The following MYBBP1A variants were observed in gnomAD, a reference collection of about 807,000 sequenced individuals.
MYBBP1A encodes the protein myb-binding protein 1A.
In MYBBP1A, 147 loss-of-function variants were observed where a neutral mutation model predicts 136.3. The ratio of observed to expected loss-of-function variants is 1.08; its 90% CI spans 0.94 to 1.24. The LOEUF is 1.24. MYBBP1A is among the 50% of genes most tolerant of loss of function. The pLI, the probability that MYBBP1A is intolerant of heterozygous loss-of-function variation, is 0.00. For missense variants in MYBBP1A, 2,060 were observed against 1,727.4 expected, an observed-to-expected ratio of 1.19 and a Z score of -3.41; for synonymous variants, 947 against 735.8, an observed-to-expected ratio of 1.29 and a Z score of -4.65.
chr17:4,542,932 T>A lies in MYBBP1A; in HGVS notation c.2873A>T (p.His958Leu). Residue 958 changes from histidine to leucine, a missense_variant, in exon 20 of 26, where the codon CAC (histidine) becomes CTC (leucine). By Grantham distance (99) the His-to-Leu change is moderately conservative. Transcript: ENST00000254718. Reference sequence around the variant, plus strand: ...GCTCACCTGCGGGCCCGTGGGCATGTGGCTGGGGTCAGTGCCAGCTTTCTG... The same window carrying A: ...GCTCACCTGCGGGCCCGTGGGCATGAGGCTGGGGTCAGTGCCAGCTTTCTG... The part of the protein sequence containing the change: ...EKQKAGTDPS[H>L]MPTGPQAASC... 2 of 1,613,976 alleles carry A rather than the reference T, an allele frequency of 1.2e-6. No homozygotes were observed. Among genetic ancestry groups the A allele is most frequent in the Non-Finnish European group, 1.7e-6 (2 of 1,179,990 alleles).
At chr17:4,546,792 G>A (rs1022983980) in intron 13 of MYBBP1A, among the ~76,000 whole-genome samples, 25 of 152,288 alleles carry the variant, frequency 1.6e-4, no homozygotes, top group Admixed American at 1.6e-3. Flanking sequence ...CCCTCATAAT[G>A]CAGTCGGCAG....
chr17:4,550,426 G>C, intron 8 of MYBBP1A, 73 bp from the exon 9 acceptor site: 1 of 1,519,496 alleles, frequency 6.6e-7, no homozygotes, highest in Non-Finnish European at 8.9e-7. Flanking sequence ...ACAGCCAAGG[G>C]GGCAGGCGGG....
rs373982321 is a variant in MYBBP1A at position 4,552,313 on chromosome 17, A to G, written c.738-21T>C. 1 of 1,613,224 alleles carries G rather than the reference A, an allele frequency of 6.2e-7. No individual in the cohort carries two copies. Among genetic ancestry groups the G allele is most frequent in the Non-Finnish European group, 8.5e-7 (1 of 1,179,806 alleles). ...CCAGCCTGCGGAGGGCAAGGGACTC[A>G]GGGAACACTTGCCTCACAGGCAAGG... is the stretch of plus-strand genomic sequence containing the variant. On this transcript the variant is annotated intron_variant, in intron 6 of 25. Coordinates refer to ENST00000254718, the MANE Select transcript of MYBBP1A (RefSeq NM_014520.4). The surrounding 1 kb of genome is among the most constrained non-coding windows in gnomAD (Gnocchi z 4.7).
chr17:4,542,985 C>G lies in MYBBP1A; in HGVS notation c.2820G>C (p.Glu940Asp), dbSNP rs762290657. Residue 940 changes from glutamate (E) to aspartate (D), a missense_variant, in exon 20 of 26, where the codon GAG becomes GAC. Physicochemically the swap from Glu to Asp is conservative, Grantham distance 45. Coordinates refer to ENST00000254718, the MANE Select transcript of MYBBP1A (RefSeq NM_014520.4). ...TCTCCTGTGTCTCATGCACGCAGCCCTCAGCAGTGTTGCCCTTCAAGACCC... is the reference window on the plus strand; with the variant it reads ...TCTCCTGTGTCTCATGCACGCAGCCGTCAGCAGTGTTGCCCTTCAAGACCC... The part of the protein sequence containing the change: ...LLRVLKGNTA[E>D]GCVHETQEKQ... 1.2e-6 allele frequency: 2 copies of G among 1,614,098 alleles called. No individual in the cohort carries two copies. The highest frequency in any genetic ancestry group is 1.7e-5 in the Admixed American group (1 of 60,026).
chr17:4,544,294 C>G (rs544125082), intron 19 of MYBBP1A, among the ~76,000 whole-genome samples, 195 bp downstream of exon 19: 4 of 150,252 alleles, frequency 2.7e-5, no homozygotes, highest in Middle Eastern at 3.2e-3. Flanking sequence ...CGGGAGAACG[C>G]GGGGATGAAG....
chr17:4,551,658 A>G (rs112705472), intron 8 of MYBBP1A, among the ~76,000 whole-genome samples: 7 of 152,282 alleles, frequency 4.6e-5, no homozygotes, highest in South Asian at 2.1e-4. Flanking sequence ...GCAGTGAGCC[A>G]AGATCTCACC....
Position 4,540,432 on chromosome 17 carries a change from T to G in MYBBP1A, c.3350A>C (p.Gln1117Pro), listed in dbSNP as rs757234936. The G allele has an allele frequency of 6.2e-7, 1 of 1,611,266 alleles. No individual in the cohort carries two copies. The change falls in exon 25 of 26, where the codon CAG becomes CCG. Residue 1117 changes from glutamine (Q) to proline (P), a missense_variant. Physicochemically the swap from Gln to Pro is moderately conservative, Grantham distance 76. Coordinates refer to ENST00000254718, the MANE Select transcript of MYBBP1A (RefSeq NM_014520.4). ...GGAGTGTGCCCCCTGCTGTAGGCTC[T>G]GCTGTTGCCCCTGCAGCACACCCAG... The part of the protein sequence containing the change: ...VLLGVLQGQQ[Q>P]SLQQGAHSTG...
intron 10 of MYBBP1A, 130 bp downstream of exon 10, chr17:4,549,202 G>A: frequency 1.4e-6 from 1 of 725,026 alleles, no homozygotes; most frequent in East Asian, 2.8e-5. Context: ...AAGTCCCCTT[G>A]TGCCTGCCCC....
intron 9 of MYBBP1A, 140 bp from the exon 10 acceptor site, chr17:4,549,582 G>A: frequency 1.5e-6 from 1 of 652,546 alleles, no homozygotes; most frequent in East Asian, 3.1e-5. Flanking sequence ...TTCGAGACCA[G>A]CCTGACCAAC....
rs1313817939 is a variant in MYBBP1A at position 4,552,985 on chromosome 17, C to T, written c.562-359G>A. Among the ~76,000 whole-genome samples, 1 of 152,100 alleles carries T rather than the reference C, an allele frequency of 6.6e-6. No homozygotes were observed. The highest frequency in any genetic ancestry group is 2.4e-5 in the African/African-American group (1 of 41,394). On this transcript the variant is annotated intron_variant, in intron 5 of 25. Coordinates refer to ENST00000254718, the MANE Select transcript of MYBBP1A (RefSeq NM_014520.4). The surrounding 1 kb of genome is among the most constrained non-coding windows in gnomAD (Gnocchi z 4.7). ...TAAAGGTGTGCGCCATCACACCCAG[C>T]TAATTTTTGTATTTTTAGTAGAGAT...
At chr17:4,551,231 G>A (rs1165829543) in intron 8 of MYBBP1A, among the ~76,000 whole-genome samples, 2 of 152,250 alleles carry the variant, frequency 1.3e-5, no homozygotes, top group African/African-American at 4.8e-5. Flanking sequence ...GATAAAATGA[G>A]CTGGTGAGAA....
rs1255904210 is a variant in MYBBP1A, at chr17:4,552,528, C to T, written c.660G>A (p.Leu220=). 1.9e-6 allele frequency: 3 copies of T among 1,613,978 alleles called. No individual in the cohort carries two copies. The highest frequency in any genetic ancestry group is 2.5e-6 in the Non-Finnish European group (3 of 1,180,024). Residue 220 remains leucine (L), a synonymous_variant, in exon 6 of 26, where the codon CTG becomes CTA. Transcript: ENST00000254718. The surrounding 1 kb of genome is among the most constrained non-coding windows in gnomAD (Gnocchi z 4.7). ...GCTTGGAGGGCACCTTCTGCTGGGC[C>T]AGGAGGAAGAGCTCTAGCTGTTCAG... is the stretch of plus-strand genomic sequence containing the variant. ...SSPEQLELFL[L]AQQKVPSKLK...
At position 4,539,351 on chromosome 17, in the gene MYBBP1A, A is replaced by T. The variant is rs1417282127; in HGVS notation, c.*64T>A. On this transcript the variant is annotated 3_prime_UTR_variant, in exon 26 of 26. Coordinates refer to ENST00000254718, the MANE Select transcript of MYBBP1A (RefSeq NM_014520.4). ...CGTATTAAAATCATGGTTTAAAAAA[A>T]AAAAAAAAAAATAGGCGTCTCAGGC... 94 of 1,500,276 alleles carry T rather than the reference A, an allele frequency of 6.3e-5. 1 individual carries two copies. In the South Asian group the frequency reaches 8.8e-4, roughly 14 times the overall value. 92.9% of individuals were successfully genotyped at this position (1,500,276 alleles called of 1,614,324 possible). A position where few individuals can be genotyped will look rare whatever the true frequency, so the allele number is the denominator to read the frequency against.
chr17:4,553,700 T>C, intron 5 of MYBBP1A, 110 bp downstream of exon 5: 1 of 778,006 alleles, frequency 1.3e-6, no homozygotes, highest in Non-Finnish European at 2.1e-6. Flanking sequence ...CTTCAAATTA[T>C]ACATCTTTGT....
Position 4,545,066 on chromosome 17 carries a change from C to A in MYBBP1A, c.2270G>T (p.Arg757Leu). 6.4e-7 allele frequency: 1 copy of A among 1,558,230 alleles called. No homozygotes were observed. ...CTGCAGCACGGTCATCAGCTGTTCCCGGAAGCCCTGATCCACGTCCCCGTC... is the reference window on the plus strand; with the variant it reads ...CTGCAGCACGGTCATCAGCTGTTCCAGGAAGCCCTGATCCACGTCCCCGTC... Reference protein sequence around the residue: ...ERDGDVDQGFREQLMTVLQAG... With the variant: ...ERDGDVDQGFLEQLMTVLQAG... The change falls in exon 17 of 26, where the codon CGG becomes CTG. Residue 757 changes from arginine (R) to leucine (L), a missense_variant. By Grantham distance (102) the Arg-to-Leu change is moderately radical (BLOSUM62 -2). Transcript: ENST00000254718.
In MYBBP1A at chr17:4,548,245, C is replaced by G; in HGVS notation, c.1622G>C (p.Trp541Ser). The G allele has an allele frequency of 6.2e-7, 1 of 1,611,954 alleles. No individual in the cohort carries two copies. ...APGQTQGGQP[W>S]TYHLVQFADL... Reference sequence around the variant, plus strand: ...TGCGAACTGCACCAGGTGGTAGGTCCAGGGCTGCCCACCCTGGGTCTGGCC... The same window carrying G: ...TGCGAACTGCACCAGGTGGTAGGTCGAGGGCTGCCCACCCTGGGTCTGGCC... The change falls in exon 12 of 26, where the codon TGG (tryptophan) becomes TCG (serine). Residue 541 changes from tryptophan (W) to serine (S), a missense_variant. Trp to Ser is a radical substitution (Grantham distance 177). Coordinates refer to ENST00000254718, the MANE Select transcript of MYBBP1A (RefSeq NM_014520.4). This position sits in a 1 kb window ranked among gnomAD's most constrained non-coding sequence, Gnocchi z 4.2.
Position 4,542,542 on chromosome 17 carries a change from A to G in MYBBP1A, c.3019-10T>C, listed in dbSNP as rs1336732930. 7.4e-6 allele frequency: 12 copies of G among 1,612,082 alleles called. No individual in the cohort carries two copies. The South Asian group carries it at 1.3e-4, about 18-fold the overall frequency. ...GGCTCTGACAGAGCACCTGGTGGGG[A>G]GTGACAAGGGCTGTGAGGTGCAGGC... On this transcript the variant is annotated splice_polypyrimidine_tract_variant and intron_variant, in intron 21 of 25. Coordinates refer to ENST00000254718, the MANE Select transcript of MYBBP1A (RefSeq NM_014520.4).
rs377356218 is a variant in MYBBP1A, at chr17:4,549,106, G to A, written c.1430+226C>T. Among the ~76,000 whole-genome samples, 65 of 152,332 alleles carry A rather than the reference G, an allele frequency of 4.3e-4. No homozygotes were observed. In the South Asian group the frequency reaches 9.1e-3, roughly 21 times the overall value. ...CACGTGCAAAAGCTGCCTGCAGGGC[G>A]CGCAGAGCACACCTGAACCTTTTAG... On this transcript the variant is annotated intron_variant, in intron 10 of 25. Transcript: ENST00000254718.
chr17:4,550,455 ACAGCCC>A lies in MYBBP1A; in HGVS notation c.1024-108_1024-103del. ...AGGCGGGCAACAGCCCAACAGCCCAACAGCCCGGGGGCAGGCGGGCAACAGCCCACC... is the reference window on the plus strand; with the variant it reads ...AGGCGGGCAACAGCCCAACAGCCCAAGGGGGCAGGCGGGCAACAGCCCACC... On this transcript the variant is annotated intron_variant, in intron 8 of 25. Coordinates refer to ENST00000254718, the MANE Select transcript of MYBBP1A (RefSeq NM_014520.4). 2.2e-6 allele frequency: 3 copies of A among 1,366,702 alleles called. No individual in the cohort carries two copies. In the African/African-American group the frequency reaches 4.4e-5, roughly 20 times the overall value. 84.7% of individuals were successfully genotyped at this position (1,366,702 alleles called of 1,614,324 possible). A position where few individuals can be genotyped will look rare whatever the true frequency, so the allele number is the denominator to read the frequency against.
Sources: allele counts gnomAD v4.1 joint callset (sites outside exome capture counted in the v4.1 genomes callset), GRCh38; gene constraint gnomAD v4.1.1; non-coding constraint Gnocchi (gnomAD v3.1); transcripts MANE v1.5; gene names NCBI Gene and HGNC (gene_info 2026-07-23, HGNC 2026-07-21).